The following ARMH1 variants were observed in gnomAD, a reference collection of about 807,000 sequenced individuals.
ARMH1 encodes armadillo-like helical domain containing protein 1.
A neutral mutation model predicts 50.2 loss-of-function variants in ARMH1; 34 were observed. The ratio of observed to expected loss-of-function variants is 0.68; its 90% CI spans 0.51 to 0.90. The LOEUF (loss-of-function observed/expected upper bound fraction) is 0.90. ARMH1 is among the 40% of genes least tolerant of loss of function. The probability of loss-of-function intolerance (pLI) is 0.00; values close to 1 mark genes in which losing one functional copy is unlikely to be tolerated. For missense variants in ARMH1, 538 were observed against 553.9 expected, an observed-to-expected ratio of 0.97 and a Z score of 0.29; for synonymous variants, 221 against 224.2, an observed-to-expected ratio of 0.99 and a Z score of 0.13.
At position 44,698,089 on chromosome 1, in the gene ARMH1, A is replaced by T. The variant is rs746699049; in HGVS notation, c.302A>T (p.Glu101Val). 3 of 1,550,302 alleles carry T rather than the reference A, an allele frequency of 1.9e-6. No homozygotes were observed. In the South Asian group the frequency reaches 3.6e-5, roughly 18 times the overall value. ...AATCGGTACCTTATAGAATTTCTTG[A>T]GGTTGGAGGTGTCCTAACCCTCTTG... Reference protein sequence around the residue: ...SSNRYLIEFLEVGGVLTLLEI... With the variant: ...SSNRYLIEFLVVGGVLTLLEI... The change falls in exon 4 of 12, where the codon GAG becomes GTG. Residue 101 changes from glutamate to valine, a missense_variant. Coordinates refer to ENST00000535358, the MANE Select transcript of ARMH1 (RefSeq NM_001145636.2).
At chr1:44,698,290 C>T (rs1573359344) in intron 4 of ARMH1, 61 bp downstream of exon 4, 3 of 1,389,576 alleles carry the variant, frequency 2.2e-6, no homozygotes, top group East Asian at 5.2e-5. Context: ...GGTGGCAGAA[C>T]CCACCACTGC....
intron 1 of ARMH1, 21 bp downstream of exon 1, chr1:44,674,894 G>A (rs1465366772): frequency 6.5e-6 from 1 of 153,130 alleles, no homozygotes. Flanking sequence ...GTACAAAACG[G>A]CCTAGGGGGC....
chr1:44,687,269 T>C (rs1232891380), intron 1 of ARMH1, among the ~76,000 whole-genome samples: 2 of 152,210 alleles, frequency 1.3e-5, no homozygotes, highest in Admixed American at 1.3e-4. Flanking sequence ...TAGTCACCTC[T>C]TCTTATAAGG....
rs1645384378 is a variant in ARMH1, at chr1:44,683,824, A to G, written c.-22-5852A>G. Among the ~76,000 whole-genome samples the G allele has an allele frequency of 6.6e-6, 1 of 152,192 alleles. No homozygotes were observed. Among genetic ancestry groups the G allele is most frequent in the Non-Finnish European group, 1.5e-5 (1 of 68,034 alleles). ...GTTTCTTCATCTGAAAGTTGTGGAT[A>G]ATGATGACCTCCTGAGGATCTTAAG... On this transcript the variant is annotated intron_variant, in intron 1 of 11. Transcript: ENST00000535358. The surrounding 1 kb of genome is among the most constrained non-coding windows in gnomAD (Gnocchi z 4.2).
rs1010124764 is a variant in ARMH1 at position 44,697,992 on chromosome 1, A to T, written c.276-71A>T. 15 of 1,266,086 alleles carry T rather than the reference A, an allele frequency of 1.2e-5. No individual in the cohort carries two copies. In the East Asian group the frequency reaches 3.9e-4, roughly 33 times the overall value. 78.4% of individuals were successfully genotyped at this position (1,266,086 alleles called of 1,614,324 possible). ...AAGTATGTAAAGAGGGGACCTTGGG[A>T]TCTCTTTGAAAGCTCAGTGCAAAGG... On this transcript the variant is annotated intron_variant, in intron 3 of 11. Transcript: ENST00000535358.
intron 2 of ARMH1, among the ~76,000 whole-genome samples, chr1:44,690,148 G>T (rs527600819): frequency 1.3e-5 from 2 of 152,172 alleles, no homozygotes; most frequent in African/African-American, 4.8e-5. Context: ...AACCCGGGAG[G>T]CAGAGGTTGC....
In ARMH1 at chr1:44,725,070, C is replaced by G. The variant is rs1474901274; in HGVS notation, c.1129-66C>G. ...CCCCCCACCTGCAACATCCCTCTGC[C>G]AAGCCCAACTCCAAGTCCAGACTGC... On this transcript the variant is annotated intron_variant, in intron 10 of 11. Transcript: ENST00000535358. 5.2e-6 allele frequency: 8 copies of G among 1,547,378 alleles called. No homozygotes were observed. The East Asian group carries it at 1.2e-4, about 24-fold the overall frequency.
At chr1:44,696,765 G>A (rs1645841693) in intron 2 of ARMH1, among the ~76,000 whole-genome samples, 1 of 152,150 alleles carries the variant, frequency 6.6e-6, no homozygotes. Context: ...GGATGCAATG[G>A]GCATGGCTTA....
At chr1:44,701,157 G>C (rs1646064643) in intron 5 of ARMH1, 38 bp downstream of exon 5, 1 of 1,499,650 alleles carries the variant, frequency 6.7e-7, no homozygotes. Context: ...TTCTGATTCA[G>C]ATGCAATAAT....
intron 1 of ARMH1, among the ~76,000 whole-genome samples, chr1:44,684,141 T>C (rs1645394913): frequency 2.0e-5 from 3 of 152,314 alleles, no homozygotes; most frequent in Admixed American, 2.0e-4. Context: ...CTAACATCAC[T>C]TTTTCCTTAG....
intron 2 of ARMH1, among the ~76,000 whole-genome samples, chr1:44,690,337 G>A (rs897323224): frequency 3.3e-5 from 5 of 151,314 alleles, no homozygotes; most frequent in Admixed American, 2.0e-4. Flanking sequence ...TTAAAAAAAA[G>A]TGATAAAAAA....
In ARMH1 at chr1:44,724,607, T is replaced by C. The variant is rs561084606; in HGVS notation, c.989T>C (p.Met330Thr). The C allele has an allele frequency of 2.4e-4, 361 of 1,514,912 alleles. 4 individuals carry two copies. The South Asian group carries it at 4.1e-3, about 17-fold the overall frequency. 93.8% of individuals were successfully genotyped at this position (1,514,912 alleles called of 1,614,324 possible). A position where few individuals can be genotyped will look rare whatever the true frequency, so the allele number is the denominator to read the frequency against. Residue 330 changes from methionine (M) to threonine (T), a missense_variant, in exon 9 of 12, where the codon ATG becomes ACG. By Grantham distance (81) the Met-to-Thr change is moderately conservative (BLOSUM62 -1). Transcript: ENST00000535358. The surrounding 1 kb of genome is among the most constrained non-coding windows in gnomAD (Gnocchi z 6.4). ...TACCTGCGCGTGGTGCGTGGCCTAATGGCCGCCATGGGCAACACGGACCAC... is the reference window on the plus strand; with the variant it reads ...TACCTGCGCGTGGTGCGTGGCCTAACGGCCGCCATGGGCAACACGGACCAC... ...LLYLRVVRGLMAAMGNTDHSN... is the reference protein window; with the variant it reads ...LLYLRVVRGLTAAMGNTDHSN...
In ARMH1 at chr1:44,697,355, T is replaced by A. The variant is rs568839524; in HGVS notation, c.275+185T>A. Among the ~76,000 whole-genome samples the A allele has an allele frequency of 1.2e-3, 181 of 152,042 alleles. 2 individuals carry two copies. In the South Asian group the frequency reaches 0.019, roughly 16 times the overall value. On this transcript the variant is annotated intron_variant, in intron 3 of 11. Coordinates refer to ENST00000535358, the MANE Select transcript of ARMH1 (RefSeq NM_001145636.2). ...CTAGTTGCTCCCCCATCCCTTTCTC[T>A]CCAGTGGCGCTTCACTAGTCAGCAC...
intron 6 of ARMH1, among the ~76,000 whole-genome samples, chr1:44,713,509 C>G (rs1357486698): frequency 5.3e-5 from 8 of 152,162 alleles, no homozygotes; most frequent in Non-Finnish European, 1.5e-5. Flanking sequence ...GGCTCTGACA[C>G]TGAGGGAGAC....
chr1:44,677,668 G>A (rs1645181225), intron 1 of ARMH1, among the ~76,000 whole-genome samples: 1 of 152,174 alleles, frequency 6.6e-6, no homozygotes, highest in South Asian at 2.1e-4. Context: ...CAGTCAGGAT[G>A]CTGATGTGGC....
chr1:44,687,878 T>G (rs773462567), intron 1 of ARMH1, among the ~76,000 whole-genome samples: 6 of 152,220 alleles, frequency 3.9e-5, no homozygotes, highest in Non-Finnish European at 2.9e-5. Context: ...TGTGCCCTGC[T>G]TAGAGGTCCC....
intron 1 of ARMH1, chr1:44,688,963 A>G (rs1645565272): frequency 6.6e-6 from 1 of 152,238 alleles, no homozygotes; most frequent in African/African-American, 2.4e-5. Flanking sequence ...GGTGATTGGC[A>G]TAAGAGGGAG....
intron 6 of ARMH1, among the ~76,000 whole-genome samples, chr1:44,719,439 G>A (rs1045779863): frequency 5.3e-5 from 8 of 152,122 alleles, no homozygotes; most frequent in Non-Finnish European, 1.2e-4. Context: ...TCTTCCTGCC[G>A]AAGGGCACTC....
At chr1:44,702,178 A>G (rs548781636) in intron 5 of ARMH1, among the ~76,000 whole-genome samples, 7 of 152,256 alleles carry the variant, frequency 4.6e-5, no homozygotes, top group African/African-American at 1.7e-4. Context: ...TAAGTGCCTC[A>G]TACATGCCAG....
Sources: gnomAD v4.1 joint callset for allele counts (sites outside exome capture counted in the v4.1 genomes callset) on GRCh38, gnomAD v4.1.1 for gene constraint, Gnocchi (gnomAD v3.1) non-coding constraint, MANE v1.5 for transcripts, NCBI Gene and HGNC (gene_info 2026-07-23, HGNC 2026-07-21) for gene names.